Variants in COL4A1 observed in about 807,000 individuals in gnomAD.
COL4A1 encodes the protein collagen type IV alpha 1 chain.
In COL4A1, 40 loss-of-function variants were observed where a neutral mutation model predicts 216.6. The observed-to-expected ratio is 0.18, with a 90% CI of 0.14 to 0.24. The LOEUF is 0.24. Among genes scored for constraint, COL4A1 ranks in the 10% least tolerant of loss-of-function variants. COL4A1 has a pLI of 1.00. For missense variants in COL4A1, 1,628 were observed against 2,196.8 expected, an observed-to-expected ratio of 0.74 and a Z score of 5.18; for synonymous variants, 839 against 810.7, an observed-to-expected ratio of 1.03 and a Z score of -0.59.
At chr13:110,182,189 C>T (rs186083498) in intron 28 of COL4A1, among the ~76,000 whole-genome samples, 1 of 152,310 alleles carries the variant, frequency 6.6e-6, no homozygotes, top group East Asian at 1.9e-4. Flanking sequence ...CCCGCCCAGC[C>T]TGAGGGAAGC....
At chr13:110,218,686 G>A (rs1214965070) in intron 2 of COL4A1, among the ~76,000 whole-genome samples, 3 of 152,172 alleles carry the variant, frequency 2.0e-5, no homozygotes, top group Non-Finnish European at 2.9e-5. Context: ...GACCCCCGTC[G>A]CCTTTGCAGT....
At position 110,288,262 on chromosome 13, in the gene COL4A1, C is replaced by CAAAA. The variant is rs67261918; in HGVS notation, c.84+18678_84+18681dup. Among the ~76,000 whole-genome samples the CAAAA allele has an allele frequency of 9.3e-3, 1,351 of 144,856 alleles. 18 individuals carry two copies. The highest frequency in any genetic ancestry group is 0.014 in the Middle Eastern group (4 of 276). On this transcript the variant is annotated intron_variant, in intron 1 of 51. Transcript: ENST00000375820. Reference sequence around the variant, plus strand: ...CTGAAACAAGAGCGAAACTCCCTCTCAAAAAAAAAAAAAATAATAATAATA... The same window carrying CAAAA: ...CTGAAACAAGAGCGAAACTCCCTCTCAAAAAAAAAAAAAAAAAATAATAATAATA...
chr13:110,185,424 G>A (rs1208442885), intron 26 of COL4A1, among the ~76,000 whole-genome samples: 3 of 152,206 alleles, frequency 2.0e-5, no homozygotes, highest in East Asian at 1.9e-4. Flanking sequence ...GATTACAGGC[G>A]TGAGCCACCG....
chr13:110,287,930 G>T (rs190011667), intron 1 of COL4A1, among the ~76,000 whole-genome samples: 5 of 152,130 alleles, frequency 3.3e-5, no homozygotes, highest in African/African-American at 9.7e-5. Context: ...GTGAGGAAAC[G>T]CTGACAACAG....
intron 2 of COL4A1, among the ~76,000 whole-genome samples, chr13:110,225,426 T>C (rs1880692551): frequency 6.6e-6 from 1 of 152,066 alleles, no homozygotes; most frequent in Non-Finnish European, 1.5e-5. Context: ...CTACTAAAAA[T>C]ACAAAAATTA....
chr13:110,210,946 T>C (rs1879766029), intron 8 of COL4A1, among the ~76,000 whole-genome samples: 1 of 152,132 alleles, frequency 6.6e-6, no homozygotes, highest in Admixed American at 6.5e-5. Context: ...CCCACAATCA[T>C]GAGAACCAAT....
rs921448063 is a variant in COL4A1 at position 110,150,260 on chromosome 13, A to G, written c.*103T>C. The G allele has an allele frequency of 1.8e-6, 2 of 1,117,612 alleles. No individual in the cohort carries two copies. Among genetic ancestry groups the G allele is most frequent in the Non-Finnish European group, 2.6e-6 (2 of 758,320 alleles). The allele number at this position is 1,117,612 out of a possible 1,614,324, so 69.2% of individuals were successfully genotyped here. ...CTATAAGGCACTTTACGGTTTTCAT[A>G]TTGGACAGTGAGGTACACAGGATAT... On this transcript the variant is annotated 3_prime_UTR_variant, in exon 52 of 52. Transcript: ENST00000375820.
intron 21 of COL4A1, among the ~76,000 whole-genome samples, chr13:110,196,666 T>C (rs1878906588): frequency 6.6e-6 from 1 of 152,200 alleles, no homozygotes; most frequent in Non-Finnish European, 1.5e-5. Flanking sequence ...TATGCAGTGA[T>C]TATTTCTGAG....
At chr13:110,219,864 GTGTGTGTATATATGTA>G (rs1880359011) in intron 2 of COL4A1, among the ~76,000 whole-genome samples, 2 of 52,990 alleles carry the variant, frequency 3.8e-5, no homozygotes, top group African/African-American at 1.6e-4. Flanking sequence ...ATGTATATAT[GTGTGTGTATATATGTA>G]TATATATGTG....
chr13:110,159,409 C>G (rs1876960002), intron 49 of COL4A1, among the ~76,000 whole-genome samples: 1 of 152,150 alleles, frequency 6.6e-6, no homozygotes. Flanking sequence ...ATAGGGGCCC[C>G]CTCACACCCA....
In COL4A1 at chr13:110,306,954, G is replaced by A; in HGVS notation, c.74C>T (p.Ala25Val). The A allele has an allele frequency of 6.8e-7, 1 of 1,474,412 alleles. No homozygotes were observed. The highest frequency in any genetic ancestry group is 8.9e-7 in the Non-Finnish European group (1 of 1,117,794). The allele number at this position is 1,474,412 out of a possible 1,614,324, so 91.3% of individuals were successfully genotyped here. ...ALLLHEEHSR[A>V]AAKGGCAGSG... is the part of the protein sequence containing the mutation. ...TGGCCGGGAACTCACCTTCGCAGCGGCCCGGCTGTGCTCCTCGTGGAGCAG... is the reference window on the plus strand; with the variant it reads ...TGGCCGGGAACTCACCTTCGCAGCGACCCGGCTGTGCTCCTCGTGGAGCAG... Residue 25 changes from alanine (A) to valine (V), a missense_variant, in exon 1 of 52, where the codon GCC becomes GTC. By Grantham distance (64) the Ala-to-Val change is moderately conservative (BLOSUM62 0). Around this residue, in one of 8 missense-constraint regions of COL4A1, gnomAD observed 74 missense variants for 61.7 expected, o/e 1.20. Coordinates refer to ENST00000375820, the MANE Select transcript of COL4A1 (RefSeq NM_001845.6).
At position 110,162,417 on chromosome 13, in the gene COL4A1, T is replaced by C. The variant is rs201671400; in HGVS notation, c.4275A>G (p.Pro1425=). 6 of 1,614,116 alleles carry C rather than the reference T, an allele frequency of 3.7e-6. No individual in the cohort carries two copies. The African/African-American group carries it at 4.0e-5, about 11-fold the overall frequency. Residue 1425 remains proline (P), a synonymous_variant, in exon 48 of 52, where the codon CCA becomes CCG. Coordinates refer to ENST00000375820, the MANE Select transcript of COL4A1 (RefSeq NM_001845.6). ...PTGPRGFPGP[P]GPDGLPGSMG... ...TGGATCCTGGCAACCCATCGGGGCC[T>C]GGTGGACCTGGAAATCCTCTTGGAC... is the stretch of plus-strand genomic sequence containing the variant.
At chr13:110,154,223 T>G (rs1876656286) in intron 50 of COL4A1, among the ~76,000 whole-genome samples, 1 of 152,252 alleles carries the variant, frequency 6.6e-6, no homozygotes, top group South Asian at 2.1e-4. Flanking sequence ...AATTCCGGGA[T>G]AACTCTGATC....
At chr13:110,189,421 G>A (rs1041597588) in intron 24 of COL4A1, among the ~76,000 whole-genome samples, 18 of 152,218 alleles carry the variant, frequency 1.2e-4, no homozygotes, top group Admixed American at 1.2e-3. Context: ...AGATCAGATG[G>A]CACTGACGTA....
intron 1 of COL4A1, among the ~76,000 whole-genome samples, chr13:110,245,187 C>A (rs936063356): frequency 1.3e-5 from 2 of 152,196 alleles, no homozygotes; most frequent in Non-Finnish European, 2.9e-5. Flanking sequence ...GGGGAGTGCG[C>A]TGGCATCTGG....
At chr13:110,216,570 G>A (rs1880096579) in intron 2 of COL4A1, among the ~76,000 whole-genome samples, 1 of 152,168 alleles carries the variant, frequency 6.6e-6, no homozygotes, top group South Asian at 2.1e-4. Context: ...ATCGCCATGA[G>A]ACCAGCGATG....
chr13:110,277,951 G>A (rs1883488927), intron 1 of COL4A1, among the ~76,000 whole-genome samples: 1 of 152,096 alleles, frequency 6.6e-6, no homozygotes, highest in Non-Finnish European at 1.5e-5. Flanking sequence ...TATTGCCTTT[G>A]ATGAAAGTTT....
chr13:110,289,937 C>T (rs543479111), intron 1 of COL4A1, among the ~76,000 whole-genome samples: 1 of 152,256 alleles, frequency 6.6e-6, no homozygotes, highest in South Asian at 2.1e-4. Flanking sequence ...TCATGGAGGA[C>T]AAGCAGGTGG....
chr13:110,211,944 A>T lies in COL4A1; in HGVS notation c.388-22T>A, dbSNP rs201723153. On this transcript the variant is annotated intron_variant, in intron 6 of 51. Transcript: ENST00000375820. This position sits in a 1 kb window ranked among gnomAD's most constrained non-coding sequence, Gnocchi z 4.3. ...CCCCCTGGGGAGACAGCAGAGCATC[A>T]TTCATACGCACTGTGTGTGGCAGAC... is the stretch of plus-strand genomic sequence containing the variant. 3 of 1,613,110 alleles carry T rather than the reference A, an allele frequency of 1.9e-6. No individual in the cohort carries two copies. The East Asian group carries it at 6.7e-5, about 36-fold the overall frequency.
Sources: allele counts gnomAD v4.1 joint callset (sites outside exome capture counted in the v4.1 genomes callset), GRCh38; gene constraint gnomAD v4.1.1; regional missense constraint gnomAD v4.1.1; non-coding constraint Gnocchi (gnomAD v3.1); transcripts MANE v1.5; gene names NCBI Gene and HGNC (gene_info 2026-07-23, HGNC 2026-07-21).